The following ZBTB4 variants were observed in gnomAD, a reference collection of about 807,000 sequenced individuals.
ZBTB4 encodes the protein zinc finger and BTB domain containing 4.
In ZBTB4, 14 loss-of-function variants were observed where a neutral mutation model predicts 59.8. The observed-to-expected ratio is 0.23, with a 90% confidence interval of 0.15 to 0.37. ZBTB4 has a LOEUF of 0.37. Ranked by LOEUF, ZBTB4 falls within the 10% of genes least tolerant of loss-of-function variation. The probability of loss-of-function intolerance (pLI) is 1.00; values close to 1 mark genes in which losing one functional copy is unlikely to be tolerated. For synonymous variants in ZBTB4, 587 were observed against 575.2 expected, an observed-to-expected ratio of 1.02 and a Z score of -0.29; for missense variants, 1,198 against 1,380.8, an observed-to-expected ratio of 0.87 and a Z score of 2.10.
At chr17:7,474,674 C>G (rs12451900) in intron 1 of ZBTB4, among the ~76,000 whole-genome samples, 1 of 152,068 alleles carries the variant, frequency 6.6e-6, no homozygotes, top group Non-Finnish European at 1.5e-5. Context: ...CCATCGTCCA[C>G]GCTGGACTGA....
In ZBTB4 at chr17:7,459,641, T is replaced by C. The variant is rs2150845813; in HGVS notation, c.*2299A>G. 6.6e-6 allele frequency: 1 copy of C among 152,328 alleles called. No individual in the cohort carries two copies. Among genetic ancestry groups the C allele is most frequent in the Non-Finnish European group, 1.5e-5 (1 of 68,004 alleles). The allele number at this position is 152,328 out of a possible 1,614,324, so 9.4% of individuals were successfully genotyped here. ...AGACAAAACTGCAAAATCCCAAATT[T>C]CCAACATCTGAAACTCACAATATTC... On this transcript the variant is annotated 3_prime_UTR_variant, in exon 4 of 4. Coordinates refer to ENST00000380599, the MANE Select transcript of ZBTB4 (RefSeq NM_001128833.2).
At position 7,463,642 on chromosome 17, in the gene ZBTB4, G is replaced by A. The variant is rs773121548; in HGVS notation, c.1340C>T (p.Ala447Val). 4 of 1,611,978 alleles carry A rather than the reference G, an allele frequency of 2.5e-6. No individual in the cohort carries two copies. The African/African-American group carries it at 4.0e-5, about 16-fold the overall frequency. ...APLSPTLNTPAPVAMPASPPP... is the reference protein window; with the variant it reads ...APLSPTLNTPVPVAMPASPPP... ...CGGGCTGGCTGGCATTGCCACAGGG[G>A]CCGGTGTGTTGAGGGTTGGAGAAAG... Residue 447 changes from alanine to valine, a missense_variant, in exon 4 of 4, where the codon GCC (alanine) becomes GTC (valine). This residue lies in a region of ZBTB4 where 550 missense variants were observed against 541.8 expected (regional missense o/e 1.02). Coordinates refer to ENST00000380599, the MANE Select transcript of ZBTB4 (RefSeq NM_001128833.2).
At chr17:7,481,528 G>C (rs375354324), upstream of ZBTB4, 34 of 1,553,254 alleles carry the variant, frequency 2.2e-5, no homozygotes, top group African/African-American at 2.9e-4. Flanking sequence ...TGGTGAGTGT[G>C]GGGGCCAGGG....
At position 7,472,634 on chromosome 17, in the gene ZBTB4, C is replaced by CTTTTTTTT. The variant is rs71157290; in HGVS notation, c.-80-5315_-80-5308dup. On this transcript the variant is annotated intron_variant, in intron 1 of 3. Transcript: ENST00000380599. ...GAGTGAGCCACTGCACCTGGCCATT[C>CTTTTTTTT]TTTTTTTTTTTTTTTTTTTTTTTTT... Among the ~76,000 whole-genome samples the CTTTTTTTT allele has an allele frequency of 5.9e-4, 43 of 72,922 alleles. 1 individual carries two copies. Among genetic ancestry groups the CTTTTTTTT allele is most frequent in the Non-Finnish European group, 6.9e-4 (30 of 43,492 alleles). The allele number at this position is 72,922 out of a possible 152,430, so 47.8% of individuals were successfully genotyped here.
rs757394555 is a variant in ZBTB4, at chr17:7,463,668, G to A, written c.1314C>T (p.Pro438=). 6.2e-7 allele frequency: 1 copy of A among 1,613,376 alleles called. No homozygotes were observed. Among genetic ancestry groups the A allele is most frequent in the East Asian group, 2.2e-5 (1 of 44,894 alleles). Residue 438 remains proline, a synonymous_variant, in exon 4 of 4, where the codon CCC becomes CCT. Coordinates refer to ENST00000380599, the MANE Select transcript of ZBTB4 (RefSeq NM_001128833.2). ...CCGGTGTGTTGAGGGTTGGAGAAAG[G>A]GGAGCCTCCGGGGCTCCCTGGCTGT... ...KTYSQGAPEA[P]LSPTLNTPAP...
At chr17:7,471,545 G>A (rs2070197100) in intron 1 of ZBTB4, among the ~76,000 whole-genome samples, 1 of 152,206 alleles carries the variant, frequency 6.6e-6, no homozygotes, top group Admixed American at 6.5e-5. Context: ...GGTAGGTAGT[G>A]ATGGGGTTAT....
intron 1 of ZBTB4, among the ~76,000 whole-genome samples, chr17:7,477,218 G>A (rs1290201444): frequency 2.6e-5 from 4 of 152,226 alleles, no homozygotes; most frequent in Non-Finnish European, 5.9e-5. Flanking sequence ...GGCTGGCATA[G>A]GCACAGCCCC....
chr17:7,469,252 C>G (rs1460940449), intron 1 of ZBTB4, among the ~76,000 whole-genome samples: 2 of 152,144 alleles, frequency 1.3e-5, no homozygotes, highest in African/African-American at 4.8e-5. Context: ...CTGCAACCCC[C>G]GCCTCCTAGG....
Position 7,468,162 on chromosome 17 carries a change from G to A in ZBTB4, c.-80-835C>T, listed in dbSNP as rs538343335. Reference sequence around the variant, plus strand: ...AAGAGGGGTGGATCACCTGAGGTCAGGAGTTCAAGACCAGCCTGACCAACA... The same window carrying A: ...AAGAGGGGTGGATCACCTGAGGTCAAGAGTTCAAGACCAGCCTGACCAACA... On this transcript the variant is annotated intron_variant, in intron 1 of 3. Transcript: ENST00000380599. Among the ~76,000 whole-genome samples the A allele has an allele frequency of 1.6e-4, 25 of 152,346 alleles. 1 individual carries two copies. Among genetic ancestry groups the A allele is most frequent in the African/African-American group, 5.8e-4 (24 of 41,578 alleles).
Position 7,466,155 on chromosome 17 carries a change from T to C in ZBTB4, c.647A>G (p.Asp216Gly). Residue 216 changes from aspartate (D) to glycine (G), a missense_variant, in exon 3 of 4, where the codon GAC (aspartate) becomes GGC (glycine). Transcript: ENST00000380599. This position sits in a 1 kb window ranked among gnomAD's most constrained non-coding sequence, Gnocchi z 9.1. ...GTCAGGGGCCTGGGCCTCAGCCCTG[T>C]CACCCTCCCACTCCCCAGCTGGCCT... ...GPRPAGEWEG[D>G]RAEAQAPDLQ... is the part of the protein sequence containing the mutation. 6.2e-7 allele frequency: 1 copy of C among 1,612,784 alleles called. No homozygotes were observed. Among genetic ancestry groups the C allele is most frequent in the Non-Finnish European group, 8.5e-7 (1 of 1,179,754 alleles).
At position 7,462,671 on chromosome 17, in the gene ZBTB4, C is replaced by A. The variant is rs554603098; in HGVS notation, c.2311G>T (p.Ala771Ser). The A allele has an allele frequency of 1.9e-5, 31 of 1,607,124 alleles. No homozygotes were observed. The highest frequency in any genetic ancestry group is 2.5e-5 in the Non-Finnish European group (29 of 1,179,134). Reference sequence around the variant, plus strand: ...GCAGCTGCGGTCTTGCACACCTTGGCGCAGTGGGGGCAGGTAAAGCGGGTG... The same window carrying A: ...GCAGCTGCGGTCTTGCACACCTTGGAGCAGTGGGGGCAGGTAAAGCGGGTG... The part of the protein sequence containing the change: ...PSTRFTCPHC[A>S]KVCKTAAALS... The change falls in exon 4 of 4, where the codon GCC becomes TCC. Residue 771 changes from alanine to serine, a missense_variant. Coordinates refer to ENST00000380599, the MANE Select transcript of ZBTB4 (RefSeq NM_001128833.2). This position sits in a 1 kb window ranked among gnomAD's most constrained non-coding sequence, Gnocchi z 7.5.
Position 7,466,526 on chromosome 17 carries a change from C to CGAGGAA in ZBTB4, c.270_275dup (p.Ser99_Ser100dup). 6 of 1,610,616 alleles carry CGAGGAA rather than the reference C, an allele frequency of 3.7e-6. No homozygotes were observed. Among genetic ancestry groups the CGAGGAA allele is most frequent in the Non-Finnish European group, 5.1e-6 (6 of 1,178,582 alleles). On this transcript the variant is annotated inframe_insertion, in exon 3 of 4. Transcript: ENST00000380599. This position sits in a 1 kb window ranked among gnomAD's most constrained non-coding sequence, Gnocchi z 9.1. The stretch of plus-strand genomic sequence containing the variant: ...CAGAGGAGGAAGAAGAGGAAGAAGA[C>CGAGGAA]GAGGAAGAGGAGGAGGAGGAAGAGG...
Position 7,462,824 on chromosome 17 carries a change from C to T in ZBTB4, c.2158G>A (p.Ala720Thr), listed in dbSNP as rs147230738. The change falls in exon 4 of 4, where the codon GCC (alanine) becomes ACC (threonine). Residue 720 changes from alanine (A) to threonine (T), a missense_variant. Coordinates refer to ENST00000380599, the MANE Select transcript of ZBTB4 (RefSeq NM_001128833.2). This position sits in a 1 kb window ranked among gnomAD's most constrained non-coding sequence, Gnocchi z 7.5. ...CATCGGTGCCTCCGCTCTGTGCGGGCACGTCCCGCTGGGCTCTCGGCCGCT... is the reference window on the plus strand; with the variant it reads ...CATCGGTGCCTCCGCTCTGTGCGGGTACGTCCCGCTGGGCTCTCGGCCGCT... ...TPAAESPAGR[A>T]RTERRHRCGD... 1.9e-6 allele frequency: 3 copies of T among 1,602,982 alleles called. No homozygotes were observed. The highest frequency in any genetic ancestry group is 1.7e-5 in the Admixed American group (1 of 60,006).
At chr17:7,467,191 G>T in intron 2 of ZBTB4, 66 bp downstream of exon 2, 3 of 1,033,336 alleles carry the variant, frequency 2.9e-6, no homozygotes, top group Non-Finnish European at 3.5e-6. Context: ...CAAAATGGCC[G>T]CCCCTGCTGG....
upstream of ZBTB4, chr17:7,482,476 C>T (rs777589670): frequency 5.6e-6 from 9 of 1,613,830 alleles, no homozygotes; most frequent in African/African-American, 1.1e-4. Flanking sequence ...GACTGTTGGG[C>T]AGCATCCTAG....
intron 1 of ZBTB4, among the ~76,000 whole-genome samples, chr17:7,475,403 C>T (rs2070255987): frequency 6.6e-6 from 1 of 152,132 alleles, no homozygotes; most frequent in Non-Finnish European, 1.5e-5. Flanking sequence ...CAATTTGCCT[C>T]ATACTCTTCT....
intron 3 of ZBTB4, 43 bp from the exon 4 acceptor site, chr17:7,463,933 T>G: frequency 6.3e-7 from 1 of 1,576,344 alleles, no homozygotes; most frequent in African/African-American, 1.3e-5. Flanking sequence ...CACAGGCACT[T>G]GAGTCAAGGG....
chr17:7,469,205 C>T (rs1025705987), intron 1 of ZBTB4, among the ~76,000 whole-genome samples: 5 of 152,124 alleles, frequency 3.3e-5, no homozygotes, highest in African/African-American at 9.6e-5. Context: ...TCTCGCTCTG[C>T]GCCCAGACTG....
In ZBTB4 at chr17:7,463,209, G is replaced by A; in HGVS notation, c.1773C>T (p.Gly591=). 1 of 1,608,580 alleles carries A rather than the reference G, an allele frequency of 6.2e-7. No individual in the cohort carries two copies. Among genetic ancestry groups the A allele is most frequent in the Non-Finnish European group, 8.5e-7 (1 of 1,178,994 alleles). Reference sequence around the variant, plus strand: ...GAGGTGGAGCCTGCAGCTGAGAGGGGCCCCGGCCAGCCCCTGTGGGGGGAC... The same window carrying A: ...GAGGTGGAGCCTGCAGCTGAGAGGGACCCCGGCCAGCCCCTGTGGGGGGAC... ...GGGPPTGAGR[G]PSQLQAPPPL... is the part of the protein sequence containing the mutation. The change falls in exon 4 of 4, where the codon GGC becomes GGT. Residue 591 remains glycine (G), a synonymous_variant. Coordinates refer to ENST00000380599, the MANE Select transcript of ZBTB4 (RefSeq NM_001128833.2).
Sources: allele counts gnomAD v4.1 joint callset (sites outside exome capture counted in the v4.1 genomes callset), GRCh38; gene constraint gnomAD v4.1.1; regional missense constraint gnomAD v4.1.1; non-coding constraint Gnocchi (gnomAD v3.1); transcripts MANE v1.5; gene names NCBI Gene and HGNC (gene_info 2026-07-23, HGNC 2026-07-21).